Variants in ARMH1 observed in about 807,000 individuals in gnomAD.
ARMH1 encodes armadillo-like helical domain containing protein 1.
ARMH1 carries 34 observed loss-of-function variants against 50.2 expected under a neutral mutation model. The ratio of observed to expected loss-of-function variants is 0.68; its 90% CI spans 0.51 to 0.90. ARMH1 has a LOEUF of 0.90. Among genes scored for constraint, ARMH1 ranks in the 40% least tolerant of loss-of-function variants. ARMH1 has a pLI of 0.00. For synonymous variants in ARMH1, 221 were observed against 224.2 expected, an observed-to-expected ratio of 0.99 and a Z score of 0.13; for missense variants, 538 against 553.9, an observed-to-expected ratio of 0.97 and a Z score of 0.29.
At chr1:44,701,923 CA>C (rs199970205) in intron 5 of ARMH1, among the ~76,000 whole-genome samples, 23,023 of 132,474 alleles carry the variant, frequency 0.17, 1,791 homozygotes, top group Admixed American at 0.24. Context: ...AGACTCGTGT[CA>C]AAAAAAAAAA....
At chr1:44,708,660 T>C (rs1646449706) in intron 6 of ARMH1, among the ~76,000 whole-genome samples, 2 of 152,084 alleles carry the variant, frequency 1.3e-5, no homozygotes, top group African/African-American at 4.8e-5. Context: ...TTAGGGGGCC[T>C]GGCGATTGTT....
At chr1:44,684,005 C>CAG (rs549354195) in intron 1 of ARMH1, among the ~76,000 whole-genome samples, 11,071 of 150,500 alleles carry the variant, frequency 0.074, 946 homozygotes, top group African/African-American at 0.2. Flanking sequence ...AAAACAACCA[C>CAG]AGAGAGAGAG....
intron 6 of ARMH1, among the ~76,000 whole-genome samples, chr1:44,709,705 C>T (rs990543939): frequency 2.0e-5 from 3 of 150,382 alleles, no homozygotes; most frequent in Admixed American, 6.7e-5. Context: ...AGCATGGTGG[C>T]GCGCACCTGT....
chr1:44,721,305 A>G (rs1273760143), intron 6 of ARMH1, among the ~76,000 whole-genome samples: 1 of 152,196 alleles, frequency 6.6e-6, no homozygotes, highest in African/African-American at 2.4e-5. Context: ...TGATAAAAAC[A>G]AAAGAAAACT....
At chr1:44,704,765 G>T (rs977444594) in intron 6 of ARMH1, among the ~76,000 whole-genome samples, 1 of 151,748 alleles carries the variant, frequency 6.6e-6, no homozygotes, top group African/African-American at 2.4e-5. Flanking sequence ...TCTCACCTCA[G>T]CCACCCAAAG....
At chr1:44,700,003 T>A (rs1645992812) in intron 4 of ARMH1, among the ~76,000 whole-genome samples, 3 of 151,996 alleles carry the variant, frequency 2.0e-5, no homozygotes. Flanking sequence ...CTAATTTTTG[T>A]ATTTTTAATA....
In ARMH1 at chr1:44,698,139, AAGG is replaced by A. The variant is rs751512104; in HGVS notation, c.359_361del (p.Glu120del). On this transcript the variant is annotated inframe_deletion, in exon 4 of 12. Coordinates refer to ENST00000535358, the MANE Select transcript of ARMH1 (RefSeq NM_001145636.2). Reference sequence around the variant, plus strand: ...GGAAATACTTGGGCTAGAGAAGATCAAGGAGGAGGCCAAGAAGGAATCTGTCAA... The same window carrying A: ...GGAAATACTTGGGCTAGAGAAGATCAAGGAGGCCAAGAAGGAATCTGTCAA... 1.9e-6 allele frequency: 3 copies of A among 1,552,326 alleles called. No individual in the cohort carries two copies. In the South Asian group the frequency reaches 3.6e-5, roughly 18 times the overall value.
In ARMH1 at chr1:44,724,074, T is replaced by C; in HGVS notation, c.725-48T>C. The C allele has an allele frequency of 6.5e-7, 1 of 1,530,878 alleles. No individual in the cohort carries two copies. The highest frequency in any genetic ancestry group is 8.8e-7 in the Non-Finnish European group (1 of 1,136,492). 94.8% of individuals were successfully genotyped at this position (1,530,878 alleles called of 1,614,324 possible). A position where few individuals can be genotyped will look rare whatever the true frequency, so the allele number is the denominator to read the frequency against. The stretch of plus-strand genomic sequence containing the variant: ...TTCACGGGGTTCTTTGCTTCCTCGG[T>C]GGCGGAGGGGCCTGGGGCCTCTCTC... On this transcript the variant is annotated intron_variant, in intron 6 of 11. Coordinates refer to ENST00000535358, the MANE Select transcript of ARMH1 (RefSeq NM_001145636.2). The surrounding 1 kb of genome is among the most constrained non-coding windows in gnomAD (Gnocchi z 6.4).
chr1:44,685,188 T>A (rs577076116), intron 1 of ARMH1, among the ~76,000 whole-genome samples: 13 of 152,094 alleles, frequency 8.5e-5, no homozygotes, highest in Non-Finnish European at 1.5e-4. Context: ...AGCATATCAT[T>A]ATACAACTTC....
intron 6 of ARMH1, among the ~76,000 whole-genome samples, chr1:44,715,033 A>G (rs1034365182): frequency 1.3e-5 from 2 of 152,210 alleles, no homozygotes; most frequent in South Asian, 4.1e-4. Flanking sequence ...GGCATGAGCC[A>G]CCACGCCTGA....
chr1:44,704,075 G>A lies in ARMH1; in HGVS notation c.640-14G>A. ...AAAAGACTAACCACCTTGTCCTGTT[G>A]TCTGTCTGGTCAGCCAATCATTGGG... On this transcript the variant is annotated splice_polypyrimidine_tract_variant and intron_variant, in intron 5 of 11. Transcript: ENST00000535358. The A allele has an allele frequency of 1.3e-6, 2 of 1,536,848 alleles. No homozygotes were observed. Among genetic ancestry groups the A allele is most frequent in the South Asian group, 1.2e-5 (1 of 83,756 alleles).
intron 6 of ARMH1, among the ~76,000 whole-genome samples, chr1:44,718,558 C>T (rs910064581): frequency 2.0e-5 from 3 of 152,172 alleles, no homozygotes; most frequent in African/African-American, 7.2e-5. Flanking sequence ...TGCTTTGCCC[C>T]TTCCCGGGGC....
At chr1:44,704,229 C>G in intron 6 of ARMH1, 56 bp downstream of exon 6, 1 of 1,308,460 alleles carries the variant, frequency 7.6e-7, no homozygotes, top group South Asian at 1.3e-5. Flanking sequence ...TATCAGCTCT[C>G]AAAAGCTTTC....
intron 2 of ARMH1, among the ~76,000 whole-genome samples, chr1:44,695,944 CAA>C (rs11351390): frequency 0.019 from 2,293 of 121,542 alleles, 43 homozygotes; most frequent in African/African-American, 0.057. Flanking sequence ...GACCCTATCT[CAA>C]AAAAAAAAAA....
At chr1:44,703,850 A>C (rs986943704) in intron 5 of ARMH1, among the ~76,000 whole-genome samples, 12 of 149,996 alleles carry the variant, frequency 8.0e-5, no homozygotes, top group African/African-American at 2.7e-4. Flanking sequence ...CCTCAGCCTC[A>C]GGAGTAGCTG....
chr1:44,686,953 GAA>G (rs774171806), intron 1 of ARMH1, among the ~76,000 whole-genome samples: 2 of 74,318 alleles, frequency 2.7e-5, no homozygotes, highest in Admixed American at 1.5e-4. Flanking sequence ...CCTCATTTCA[GAA>G]AAAAAAAAAA....
intron 6 of ARMH1, among the ~76,000 whole-genome samples, chr1:44,721,600 G>A (rs1158314600): frequency 1.3e-5 from 2 of 152,170 alleles, no homozygotes; most frequent in East Asian, 1.9e-4. Context: ...ACTACAAAAA[G>A]TACACAAAAT....
intron 6 of ARMH1, among the ~76,000 whole-genome samples, chr1:44,721,515 A>G (rs1456922438): frequency 1.6e-5 from 2 of 128,920 alleles, no homozygotes; most frequent in African/African-American, 2.6e-5. Flanking sequence ...TTTTCTTTTA[A>G]AAAAAAAAAT....
In ARMH1 at chr1:44,724,335, A is replaced by G; in HGVS notation, c.863A>G (p.Gln288Arg). ...CCCTCCTCAGACCCCTCGGTTCTCCAGCTCACCCCCAGCCTGCCGATGTTT... is the reference window on the plus strand; with the variant it reads ...CCCTCCTCAGACCCCTCGGTTCTCCGGCTCACCCCCAGCCTGCCGATGTTT... The part of the protein sequence containing the change: ...AKILSDPSVL[Q>R]LTPSLPMFLQ... The change falls in exon 8 of 12, where the codon CAG becomes CGG. Residue 288 changes from glutamine to arginine, a missense_variant. Coordinates refer to ENST00000535358, the MANE Select transcript of ARMH1 (RefSeq NM_001145636.2). The surrounding 1 kb of genome is among the most constrained non-coding windows in gnomAD (Gnocchi z 6.4). 6.4e-7 allele frequency: 1 copy of G among 1,551,498 alleles called. No individual in the cohort carries two copies.
Sources: allele counts gnomAD v4.1 joint callset (sites outside exome capture counted in the v4.1 genomes callset), GRCh38; gene constraint gnomAD v4.1.1; non-coding constraint Gnocchi (gnomAD v3.1); transcripts MANE v1.5; gene names NCBI Gene and HGNC (gene_info 2026-07-23, HGNC 2026-07-21).